The following FAM133A variants were observed in gnomAD, a reference collection of about 807,000 sequenced individuals.
The protein encoded by FAM133A is family with sequence similarity 133 member A.
For synonymous variants in FAM133A, 65 were observed against 58.6 expected, an observed-to-expected ratio of 1.11 and a Z score of -0.50; for missense variants, 159 against 164.4, an observed-to-expected ratio of 0.97 and a Z score of 0.18.
At chrX:93,680,518 T>C (rs1203694397) in intron 2 of FAM133A, among the ~76,000 whole-genome samples, 1 of 111,444 alleles carries the variant, frequency 9.0e-6, no homozygotes, top group Non-Finnish European at 1.9e-5. Context: ...TTGAGGAATG[T>C]CCATACTGTT....
intron 2 of FAM133A, among the ~76,000 whole-genome samples, chrX:93,686,258 T>G: frequency 9.0e-6 from 1 of 111,357 alleles, no homozygotes; most frequent in Non-Finnish European, 1.9e-5. Flanking sequence ...AAATTAGAGT[T>G]TAAACCTTGG....
chrX:93,697,167 T>TTATATA lies in FAM133A; in HGVS notation c.-192-1211_-192-1206dup, dbSNP rs767010042. 7.7e-3 allele frequency among the ~76,000 whole-genome samples: 721 copies of TTATATA among 93,700 alleles called. 6 individuals are homozygous for TTATATA. Among genetic ancestry groups the TTATATA allele is most frequent in the Middle Eastern group, 0.043 (8 of 188 alleles). The allele number at this position is 93,700 out of a possible 115,157, so 81.4% of individuals were successfully genotyped here. A position where few individuals can be genotyped will look rare whatever the true frequency, so the allele number is the denominator to read the frequency against. On this transcript the variant is annotated intron_variant, in intron 2 of 3. Transcript: ENST00000683942. ...TGTATTTTTAATAAATATAGGCAAG[T>TTATATA]TATATATATATATATATATATATAA...
chrX:93,680,431 T>C (rs765060240), intron 2 of FAM133A, among the ~76,000 whole-genome samples: 8 of 111,790 alleles, frequency 7.2e-5, no homozygotes, highest in African/African-American at 2.6e-4. Flanking sequence ...CTTCAATGTA[T>C]TCATTTCATA....
intron 2 of FAM133A, among the ~76,000 whole-genome samples, chrX:93,687,486 A>T (rs1391852095): frequency 9.0e-6 from 1 of 111,570 alleles, no homozygotes; most frequent in Non-Finnish European, 1.9e-5. Flanking sequence ...AAACTATTGA[A>T]ATAAAATTTA....
chrX:93,696,600 G>A (rs1432893373), intron 2 of FAM133A, among the ~76,000 whole-genome samples: 2 of 111,469 alleles, frequency 1.8e-5, no homozygotes, highest in African/African-American at 6.5e-5. Context: ...AGGGGGAGGG[G>A]AAACTAAGAG....
At chrX:93,683,302 G>A (rs188149504) in intron 2 of FAM133A, among the ~76,000 whole-genome samples, 1 of 111,553 alleles carries the variant, frequency 9.0e-6, no homozygotes, top group East Asian at 2.8e-4. Context: ...CATATAATGA[G>A]CATTTAAAGG....
At chrX:93,679,508 A>G (rs187956113) in intron 2 of FAM133A, among the ~76,000 whole-genome samples, 1 of 111,116 alleles carries the variant, frequency 9.0e-6, no homozygotes, top group African/African-American at 3.3e-5. Context: ...GCAACATAAG[A>G]TAAGGAAAAT....
chrX:93,696,193 C>T (rs1000916025), intron 2 of FAM133A, among the ~76,000 whole-genome samples: 2 of 110,751 alleles, frequency 1.8e-5, no homozygotes, highest in Non-Finnish European at 3.8e-5. Context: ...CCAGGCAGCT[C>T]GATAAAAATA....
chrX:93,687,294 T>C (rs1393506600), intron 2 of FAM133A, among the ~76,000 whole-genome samples: 1 of 111,020 alleles, frequency 9.0e-6, no homozygotes, highest in Non-Finnish European at 1.9e-5. Context: ...AGTGTGAAGA[T>C]GCAAAGGCAT....
At chrX:93,687,164 A>T (rs1170239520) in intron 2 of FAM133A, among the ~76,000 whole-genome samples, 1 of 112,578 alleles carries the variant, frequency 8.9e-6, no homozygotes, top group Non-Finnish European at 1.9e-5. Context: ...CAACAGCCAT[A>T]AAATGGAATA....
At chrX:93,676,726 G>A (rs1174725575) in intron 2 of FAM133A, among the ~76,000 whole-genome samples, 6 of 109,509 alleles carry the variant, frequency 5.5e-5, no homozygotes, top group African/African-American at 1.6e-4. Flanking sequence ...ATGGAACATG[G>A]AGATGAAAAA....
intron 2 of FAM133A, among the ~76,000 whole-genome samples, chrX:93,676,978 T>G (rs1924751999): frequency 9.2e-6 from 1 of 109,249 alleles, no homozygotes; most frequent in African/African-American, 3.3e-5. Context: ...AGTAGGTATC[T>G]AAAAGAAAAT....
chrX:93,693,366 A>T (rs1031539341), intron 2 of FAM133A, among the ~76,000 whole-genome samples: 14 of 109,962 alleles, frequency 1.3e-4, no homozygotes, highest in African/African-American at 4.6e-4. Flanking sequence ...AGAGAGAGAG[A>T]GTGTAATGTC....
At position 93,704,252 on chromosome X, in the gene FAM133A, CCAAA is replaced by C. The variant is rs770212241; in HGVS notation, c.-103-5062_-103-5059del. ...TATATTATCATCCAATGTGAAATGG[CCAAA>C]CATATTGTGGTAATTAAAGATATTG... On this transcript the variant is annotated intron_variant, in intron 3 of 3. Coordinates refer to ENST00000683942, the MANE Select transcript of FAM133A (RefSeq NM_001171109.2). Among the ~76,000 whole-genome samples, 180 of 111,399 alleles carry C rather than the reference CCAAA, an allele frequency of 1.6e-3. 2 individuals carry two copies. The highest frequency in any genetic ancestry group is 5.7e-3 in the African/African-American group (174 of 30,744).
intron 2 of FAM133A, among the ~76,000 whole-genome samples, chrX:93,696,381 A>G (rs773940943): frequency 9.0e-6 from 1 of 111,318 alleles, no homozygotes; most frequent in Non-Finnish European, 1.9e-5. Flanking sequence ...TCCCATTAAA[A>G]TCGCCATCAT....
intron 2 of FAM133A, among the ~76,000 whole-genome samples, chrX:93,688,653 G>T (rs1295056864): frequency 9.0e-6 from 1 of 111,184 alleles, no homozygotes; most frequent in East Asian, 2.8e-4. Flanking sequence ...ATGAACTTAT[G>T]ATGAATGAAT....
At chrX:93,673,943 C>T (rs1279931747), upstream of FAM133A, 1 of 97,038 alleles carries the variant, frequency 1.0e-5, no homozygotes, top group Admixed American at 1.2e-4. Flanking sequence ...TCCGCCCACC[C>T]TGAATTCCCG....
chrX:93,678,366 A>T (rs1469901055), intron 2 of FAM133A, among the ~76,000 whole-genome samples: 5 of 111,645 alleles, frequency 4.5e-5, no homozygotes, highest in Non-Finnish European at 9.4e-5. Context: ...TAAAGAGGAA[A>T]TGTTAGTAAT....
At chrX:93,689,111 G>A (rs1489682717) in intron 2 of FAM133A, among the ~76,000 whole-genome samples, 3 of 107,833 alleles carry the variant, frequency 2.8e-5, no homozygotes, top group Non-Finnish European at 3.8e-5. Flanking sequence ...GCGTGATCTC[G>A]GCTCACTGCA....
Sources: allele counts gnomAD v4.1 joint callset (sites outside exome capture counted in the v4.1 genomes callset), GRCh38; gene constraint gnomAD v4.1.1; transcripts MANE v1.5; gene names NCBI Gene and HGNC (gene_info 2026-07-23, HGNC 2026-07-21).